Variants in MYH7B observed in about 807,000 individuals in gnomAD.
MYH7B encodes the protein myosin-7B.
In MYH7B, 205 loss-of-function variants were observed where a neutral mutation model predicts 234.5. The observed-to-expected ratio is 0.87, with a 90% CI of 0.78 to 0.98. The LOEUF (loss-of-function observed/expected upper bound fraction) is 0.98, where lower values mean the gene tolerates loss of function less well. Ranked by LOEUF, MYH7B falls within the 50% of genes least tolerant of loss-of-function variation. MYH7B has a pLI of 0.00. For synonymous variants in MYH7B, 1,193 were observed against 1,105.0 expected (o/e 1.08, Z -1.58); for missense variants, 2,652 against 2,633.4 (o/e 1.01, Z -0.15).
rs191726809 is a variant in MYH7B at position 34,993,506 on chromosome 20, C to T, written c.2444+36C>T. ...GAAGGAGGCTGGGGACAGGGTGTGT[C>T]CCCTGCCTCTCAGCTCCCAGACCCA... On this transcript the variant is annotated intron_variant, in intron 26 of 44. Coordinates refer to ENST00000262873, the Ensembl canonical transcript of MYH7B. The T allele has an allele frequency of 2.4e-4, 371 of 1,516,250 alleles. 3 individuals are homozygous for T. In the African/African-American group the frequency reaches 4.5e-3, roughly 18 times the overall value. The allele number at this position is 1,516,250 out of a possible 1,614,324, so 93.9% of individuals were successfully genotyped here. A position where few individuals can be genotyped will look rare whatever the true frequency, so the allele number is the denominator to read the frequency against.
intron 2 of MYH7B, among the ~76,000 whole-genome samples, chr20:34,961,768 A>T (rs139778531): frequency 1.3e-5 from 2 of 152,216 alleles, no homozygotes; most frequent in Non-Finnish European, 2.9e-5. Flanking sequence ...TGTAACTAGC[A>T]TCTTTCACTT....
At position 34,987,537 on chromosome 20, in the gene MYH7B, C is replaced by T. The variant is rs759879672; in HGVS notation, c.1148-20C>T. ...CGCATGGTGGTGTCCTCCTCCCTTA[C>T]CCCACTCGTGCCCTGCCAGGTGCTG... On this transcript the variant is annotated intron_variant, in intron 16 of 44. Transcript: ENST00000262873. 4.0e-6 allele frequency: 6 copies of T among 1,501,470 alleles called. No individual in the cohort carries two copies. The highest frequency in any genetic ancestry group is 5.3e-6 in the Non-Finnish European group (6 of 1,128,690). The allele number at this position is 1,501,470 out of a possible 1,614,324, so 93.0% of individuals were successfully genotyped here. A position where few individuals can be genotyped will look rare whatever the true frequency, so the allele number is the denominator to read the frequency against.
rs540391689 is a variant in MYH7B at position 34,982,262 on chromosome 20, G to GCAT, written c.528-192_528-190dup. On this transcript the variant is annotated intron_variant, in intron 9 of 44. Transcript: ENST00000262873. The stretch of plus-strand genomic sequence containing the variant: ...CTGAGTTAGTCCGTAGTGGACAATG[G>GCAT]CATCATCGTGTGTTGTCATCTCACA... Among the ~76,000 whole-genome samples the GCAT allele has an allele frequency of 1.9e-3, 287 of 152,216 alleles. 3 individuals carry two copies. The highest frequency in any genetic ancestry group is 2.5e-4 in the Non-Finnish European group (17 of 68,022).
chr20:34,979,975 C>G, intron 7 of MYH7B, 171 bp downstream of exon 7: 60 of 194,226 alleles, frequency 3.1e-4, no homozygotes, highest in South Asian at 1.1e-3. Context: ...AGCGATGAGG[C>G]GGGGCTCTGA....
intron 2 of MYH7B, among the ~76,000 whole-genome samples, chr20:34,973,015 T>C (rs1168707315): frequency 1.3e-5 from 2 of 152,228 alleles, no homozygotes; most frequent in African/African-American, 2.4e-5. Context: ...TCAAATTCTC[T>C]TGCTCAGAGC....
chr20:34,979,507 C>A lies in MYH7B; in HGVS notation c.198+11C>A, dbSNP rs1374172319. On this transcript the variant is annotated intron_variant, in intron 6 of 44. Transcript: ENST00000262873. ...ACCAAAGACCAGAAGGTTCCGTTCC[C>A]CCTTTCCTGAGATTAGCCTCTCTGT... 1.2e-6 allele frequency: 2 copies of A among 1,608,724 alleles called. No individual in the cohort carries two copies. The highest frequency in any genetic ancestry group is 1.7e-6 in the Non-Finnish European group (2 of 1,176,662).
At chr20:34,993,963 C>G (rs547047038) in intron 26 of MYH7B, among the ~76,000 whole-genome samples, 183 bp from the exon 27 acceptor site, 1 of 152,350 alleles carries the variant, frequency 6.6e-6, no homozygotes, top group Non-Finnish European at 1.5e-5. Context: ...GGCTCATGAG[C>G]CCCTTCACTG....
chr20:34,993,258 G>A, intron 25 of MYH7B, 33 bp downstream of exon 25: 1 of 1,614,000 alleles, frequency 6.2e-7, no homozygotes, highest in Non-Finnish European at 8.5e-7. Context: ...GCTGGCCATG[G>A]CTGTGGCGGT....
At chr20:34,963,711 T>C (rs1240321346) in intron 2 of MYH7B, among the ~76,000 whole-genome samples, 1 of 152,228 alleles carries the variant, frequency 6.6e-6, no homozygotes, top group Non-Finnish European at 1.5e-5. Flanking sequence ...TAGTTTTGGC[T>C]CTTAAATTTA....
rs2082311337 is a variant in MYH7B at position 34,998,788 on chromosome 20, G to A, written c.4063G>A (p.Glu1355Lys). The A allele has an allele frequency of 4.3e-6, 7 of 1,613,022 alleles. No homozygotes were observed. Among genetic ancestry groups the A allele is most frequent in the African/African-American group, 1.3e-5 (1 of 74,922 alleles). ...CTGTGACCTCCTGCGGGAGCAACACGAGGAGGAGGCTGAGGCCCAGGCTGA... is the reference window on the plus strand; with the variant it reads ...CTGTGACCTCCTGCGGGAGCAACACAAGGAGGAGGCTGAGGCCCAGGCTGA... Residue 1355 changes from glutamate (E) to lysine (K), a missense_variant, in exon 35 of 45, where the codon GAG (glutamate) becomes AAG (lysine). Around this residue, in one of 3 missense-constraint regions of MYH7B, gnomAD observed 2,279 missense variants for 2,211.4 expected, o/e 1.03. Coordinates refer to ENST00000262873, the Ensembl canonical transcript of MYH7B.
chr20:34,996,210 G>A (rs567867486), intron 28 of MYH7B, 136 bp from the exon 29 acceptor site: 1 of 1,008,178 alleles, frequency 9.9e-7, no homozygotes, highest in Admixed American at 2.7e-5. Context: ...TCAGGCAGAA[G>A]CGGTGGAGGC....
chr20:34,988,465 T>G (rs971694870), intron 19 of MYH7B, among the ~76,000 whole-genome samples: 5 of 152,130 alleles, frequency 3.3e-5, no homozygotes, highest in African/African-American at 1.2e-4. Flanking sequence ...AGTGGGTGTG[T>G]TGGAGTTGAC....
chr20:35,000,673 A>C, exon 39 of MYH7B: 1 of 1,591,150 alleles, frequency 6.3e-7, no homozygotes, highest in Non-Finnish European at 8.5e-7. Context: ...GAGCGCCTCA[A>C]CCTTCTGCAT....
chr20:34,985,991 C>G lies in MYH7B; in HGVS notation c.806-109C>G, dbSNP rs1028805929. On this transcript the variant is annotated intron_variant, in intron 13 of 44. Coordinates refer to ENST00000262873, the Ensembl canonical transcript of MYH7B. ...CCACACAAGCTGGCAGGTGCAGATG[C>G]AGCCCCCCTGCACACTCCCTGCCCA... The G allele has an allele frequency of 4.5e-6, 4 of 898,468 alleles. No individual in the cohort carries two copies. In the African/African-American group the frequency reaches 6.6e-5, roughly 15 times the overall value. 55.7% of individuals were successfully genotyped at this position (898,468 alleles called of 1,614,324 possible).
chr20:34,988,339 T>C, intron 19 of MYH7B, 77 bp downstream of exon 19: 1 of 1,496,798 alleles, frequency 6.7e-7, no homozygotes, highest in South Asian at 1.3e-5. Context: ...GACCATGGCT[T>C]GCATGGAAGC....
exon 15 of MYH7B, chr20:34,986,926 C>A (rs1241723645): frequency 6.2e-7 from 1 of 1,614,028 alleles, no homozygotes; most frequent in Non-Finnish European, 8.5e-7. Flanking sequence ...ACTACCACTT[C>A]TGCAGCCAGG....
In MYH7B at chr20:34,989,933, G is replaced by A; in HGVS notation, c.1767+14G>A. 1 of 1,613,282 alleles carries A rather than the reference G, an allele frequency of 6.2e-7. No individual in the cohort carries two copies. The highest frequency in any genetic ancestry group is 1.7e-5 in the Admixed American group (1 of 59,990). Reference sequence around the variant, plus strand: ...TACGCAGGCGTGGTAGGTGCTTGCTGGAACCCCAGCCCTCGGCCAGGCTCC... The same window carrying A: ...TACGCAGGCGTGGTAGGTGCTTGCTAGAACCCCAGCCCTCGGCCAGGCTCC... On this transcript the variant is annotated intron_variant, in intron 20 of 44. Coordinates refer to ENST00000262873, the Ensembl canonical transcript of MYH7B.
rs1165479201 is a variant in MYH7B, at chr20:35,001,417, C to T, written c.5581-14C>T. ...CCAGCCCAAGCAAGCCCTGAGTCCC[C>T]CTTGCCCGCCCAGGCCGAGGAGGAC... On this transcript the variant is annotated splice_polypyrimidine_tract_variant and intron_variant, in intron 42 of 44. Transcript: ENST00000262873. The T allele has an allele frequency of 6.3e-7, 1 of 1,594,882 alleles. No homozygotes were observed. The highest frequency in any genetic ancestry group is 8.5e-7 in the Non-Finnish European group (1 of 1,171,084).
At chr20:34,987,241 C>A (rs145740416) in exon 16 of MYH7B, 1 of 1,611,798 alleles carries the variant, frequency 6.2e-7, no homozygotes, top group South Asian at 1.1e-5. Context: ...ACATGAAGTT[C>A]AAGCAGAAGC....
Sources: gnomAD v4.1 joint callset for allele counts (sites outside exome capture counted in the v4.1 genomes callset) on GRCh38, gnomAD v4.1.1 for gene constraint, gnomAD v4.1.1 regional missense constraint, MANE v1.5 for transcripts, NCBI Gene and HGNC (gene_info 2026-07-23, HGNC 2026-07-21) for gene names.